The following ACSM2A variants were observed in gnomAD, a reference collection of about 807,000 sequenced individuals.
ACSM2A encodes the protein acyl-coenzyme A synthetase ACSM2A, mitochondrial.
A neutral mutation model predicts 76.6 loss-of-function variants in ACSM2A; 72 were observed. The observed-to-expected ratio is 0.94, with a 90% CI of 0.78 to 1.14. ACSM2A has a LOEUF of 1.14. Ranked by LOEUF, ACSM2A falls within the 50% of genes most tolerant of loss-of-function variation. ACSM2A has a pLI of 0.00. For synonymous variants in ACSM2A, 249 were observed against 255.9 expected (o/e 0.97, Z 0.26); for missense variants, 684 against 708.5 (o/e 0.97, Z 0.39).
intron 5 of ACSM2A, 70 bp from the exon 6 acceptor site, chr16:20,471,466 C>A (rs2013396533): frequency 1.1e-5 from 17 of 1,544,306 alleles, no homozygotes; most frequent in East Asian, 2.3e-5. Context: ...TCCTCCCCTA[C>A]ACCTTAGTGT....
chr16:20,475,875 C>G (rs146721513), intron 8 of ACSM2A, 102 bp downstream of exon 8: 1 of 1,565,496 alleles, frequency 6.4e-7, no homozygotes, highest in African/African-American at 1.4e-5. Context: ...TTCATCTATT[C>G]GAGAAGTATT....
intron 1 of ACSM2A, among the ~76,000 whole-genome samples, chr16:20,458,348 T>C (rs2012330793): frequency 6.8e-6 from 1 of 147,392 alleles, no homozygotes; most frequent in South Asian, 2.1e-4. Flanking sequence ...ATATATTATA[T>C]ATCTAATATA....
intron 1 of ACSM2A, among the ~76,000 whole-genome samples, chr16:20,455,119 G>C (rs1278794459): frequency 6.7e-6 from 1 of 149,078 alleles, no homozygotes; most frequent in African/African-American, 2.5e-5. Context: ...AATTTTCAAT[G>C]AACAAAGCCT....
chr16:20,478,546 A>C (rs1634309), intron 9 of ACSM2A, 30 bp from the exon 10 acceptor site: 137,355 of 1,607,974 alleles, frequency 0.085, 7,183 homozygotes, highest in East Asian at 0.22. Context: ...TGCTGTGTGC[A>C]TCATTCTTCC....
At position 20,455,004 on chromosome 16, in the gene ACSM2A, A is replaced by C. The variant is rs568327722; in HGVS notation, c.-9+3323A>C. Among the ~76,000 whole-genome samples, 4 of 151,248 alleles carry C rather than the reference A, an allele frequency of 2.6e-5. No homozygotes were observed. The East Asian group carries it at 7.9e-4, about 30-fold the overall frequency. ...AAATAAAGAACACAGAGAAAAACACACTGAAAAGCCTCAACAATAGAATTG... is the reference window on the plus strand; with the variant it reads ...AAATAAAGAACACAGAGAAAAACACCCTGAAAAGCCTCAACAATAGAATTG... On this transcript the variant is annotated intron_variant, in intron 1 of 13. Transcript: ENST00000573854.
chr16:20,476,690 A>C, intron 8 of ACSM2A: 1 of 992,168 alleles, frequency 1.0e-6, no homozygotes, highest in Non-Finnish European at 1.2e-6. Context: ...TTTCCAGCAC[A>C]GTGGGTGGCG....
chr16:20,473,614 T>C (rs2013545603), intron 6 of ACSM2A, among the ~76,000 whole-genome samples: 1 of 152,150 alleles, frequency 6.6e-6, no homozygotes, highest in Non-Finnish European at 1.5e-5. Flanking sequence ...GTTTGAATAT[T>C]TGTGCCCCCC....
At chr16:20,460,002 T>A in intron 1 of ACSM2A, 105 bp from the exon 2 acceptor site, 1 of 1,442,684 alleles carries the variant, frequency 6.9e-7, no homozygotes. Context: ...AATTAATTCC[T>A]GGGAAGAATC....
At chr16:20,458,895 TATATATATGC>T (rs1455973656) in intron 1 of ACSM2A, among the ~76,000 whole-genome samples, 2 of 102,420 alleles carry the variant, frequency 2.0e-5, no homozygotes, top group Non-Finnish European at 3.7e-5. Flanking sequence ...GTATATATTA[TATATATATGC>T]ATATATATAT....
chr16:20,454,604 A>T (rs1019071875), intron 1 of ACSM2A, among the ~76,000 whole-genome samples: 1 of 151,996 alleles, frequency 6.6e-6, no homozygotes, highest in Admixed American at 6.6e-5. Flanking sequence ...TCCCTAGGAA[A>T]AGGGAAAGAG....
rs748898408 is a variant in ACSM2A at position 20,460,325 on chromosome 16, A to G, written c.177+34A>G. 11 of 1,609,342 alleles carry G rather than the reference A, an allele frequency of 6.8e-6. 1 individual carries two copies. In the East Asian group the frequency reaches 2.2e-4, roughly 33 times the overall value. On this transcript the variant is annotated intron_variant, in intron 2 of 13. Coordinates refer to ENST00000573854, the MANE Select transcript of ACSM2A (RefSeq NM_001308172.2). ...GTGGAAAAGAGGCACAGAGTGAGACAATTTTGTTGACTTTTAAAATTCATC... is the reference window on the plus strand; with the variant it reads ...GTGGAAAAGAGGCACAGAGTGAGACGATTTTGTTGACTTTTAAAATTCATC...
chr16:20,480,967 G>A (rs1288762420), intron 12 of ACSM2A, 46 bp downstream of exon 12: 3 of 1,610,992 alleles, frequency 1.9e-6, no homozygotes, highest in East Asian at 2.2e-5. Context: ...ATGAACACAA[G>A]GGCAGTGTAG....
intron 12 of ACSM2A, chr16:20,482,107 C>T (rs1326175520): frequency 1.5e-5 from 2 of 130,562 alleles, no homozygotes; most frequent in Non-Finnish European, 3.1e-5. Context: ...TGCACTCTAG[C>T]CTGGGTGACA....
chr16:20,474,122 T>G, intron 6 of ACSM2A: 1 of 429,656 alleles, frequency 2.3e-6, no homozygotes, highest in Non-Finnish European at 4.6e-6. Context: ...AAAACCAAGG[T>G]GCACCCTGAC....
Position 20,480,581 on chromosome 16 carries a change from C to T in ACSM2A, c.1290C>T (p.Pro430=), listed in dbSNP as rs781118866. The T allele has an allele frequency of 3.0e-5, 49 of 1,613,712 alleles. No homozygotes were observed. Among genetic ancestry groups the T allele is most frequent in the Middle Eastern group, 1.6e-4 (1 of 6,076 alleles). The change falls in exon 11 of 14, where the codon CCC becomes CCT. Residue 430 remains proline, a synonymous_variant. Coordinates refer to ENST00000573854, the MANE Select transcript of ACSM2A (RefSeq NM_001308172.2). ...CTTTCTGTGGTCACCAGGACAATCC[C>T]GACAAGACAGCAGCCAACATTCGAG... ...IGIFSGYVDN[P]DKTAANIRGD...
rs1440054007 is a variant in ACSM2A at position 20,465,507 on chromosome 16, C to G, written c.178-10C>G. ...ATGCCCCCTGATCAACAGGGCTTCT[C>G]TTTCCTCAGGCTGGCAAGCGACTCC... On this transcript the variant is annotated splice_polypyrimidine_tract_variant and intron_variant, in intron 2 of 13. Transcript: ENST00000573854. The G allele has an allele frequency of 1.9e-5, 30 of 1,613,606 alleles. No individual in the cohort carries two copies. The highest frequency in any genetic ancestry group is 2.5e-5 in the Non-Finnish European group (30 of 1,179,694).
At chr16:20,466,632 G>C (rs1199345284) in intron 3 of ACSM2A, among the ~76,000 whole-genome samples, 4 of 152,190 alleles carry the variant, frequency 2.6e-5, no homozygotes, top group Non-Finnish European at 5.9e-5. Context: ...GGTTTGGCTG[G>C]GGATGAAAAC....
chr16:20,472,269 G>T (rs2013463299), intron 6 of ACSM2A, among the ~76,000 whole-genome samples: 1 of 152,152 alleles, frequency 6.6e-6, no homozygotes, highest in African/African-American at 2.4e-5. Flanking sequence ...TCATAGCTCT[G>T]GAGGCTGTAA....
intron 7 of ACSM2A, 60 bp from the exon 8 acceptor site, chr16:20,475,590 G>C (rs1220466302): frequency 6.2e-7 from 1 of 1,611,918 alleles, no homozygotes; most frequent in Non-Finnish European, 8.5e-7. Flanking sequence ...ACCCAGTCTA[G>C]GCCTGAGTGG....
Sources: gnomAD v4.1 joint callset for allele counts (sites outside exome capture counted in the v4.1 genomes callset) on GRCh38, gnomAD v4.1.1 for gene constraint, MANE v1.5 for transcripts, NCBI Gene and HGNC (gene_info 2026-07-23, HGNC 2026-07-21) for gene names.